PRKDC: variants seen among roughly 807,000 people sequenced by gnomAD.
PRKDC encodes the protein DNA-dependent protein kinase catalytic subunit.
PRKDC carries 82 observed loss-of-function variants against 486.9 expected under a neutral mutation model. That is an observed-to-expected ratio of 0.17 (90% CI 0.14 to 0.20). The LOEUF is 0.20. Among genes scored for constraint, PRKDC ranks in the 10% least tolerant of loss-of-function variants. The pLI is 1.00. For missense variants in PRKDC, 4,504 were observed against 5,038.2 expected, an observed-to-expected ratio of 0.89 and a Z score of 3.21; for synonymous variants, 1,895 against 1,837.0, an observed-to-expected ratio of 1.03 and a Z score of -0.81.
At chr8:47,917,956 C>T (rs540107205) in intron 22 of PRKDC, among the ~76,000 whole-genome samples, 17 of 152,166 alleles carry the variant, frequency 1.1e-4, no homozygotes, top group South Asian at 4.1e-4. Flanking sequence ...GTGATTCTCC[C>T]ACCTCAGCCT....
At chr8:47,880,482 A>G (rs1390556404) in intron 38 of PRKDC, among the ~76,000 whole-genome samples, 1 of 152,184 alleles carries the variant, frequency 6.6e-6, no homozygotes, top group Non-Finnish European at 1.5e-5. Context: ...GAAAATTCCA[A>G]AGAATTATCC....
chr8:47,925,756 G>T (rs2090146616), intron 21 of PRKDC, among the ~76,000 whole-genome samples: 1 of 152,198 alleles, frequency 6.6e-6, no homozygotes. Context: ...AATGTCCCAT[G>T]TAAATATAAA....
chr8:47,773,743 C>G lies in PRKDC; in HGVS notation c.*430G>C, dbSNP rs1366881564. 2.1e-5 allele frequency: 5 copies of G among 233,382 alleles called. No individual in the cohort carries two copies. The Admixed American group carries it at 2.8e-4, about 13-fold the overall frequency. The allele number at this position is 233,382 out of a possible 1,614,324, so 14.5% of individuals were successfully genotyped here. On this transcript the variant is annotated 3_prime_UTR_variant, in exon 86 of 86. Transcript: ENST00000314191. ...GTTACATCAACTATACTTAGCTTTA[C>G]TCTCCCAAAATCTTGGTGATGAAGC...
Position 47,834,306 on chromosome 8 carries a change from G to A in PRKDC, c.8042C>T (p.Ala2681Val), listed in dbSNP as rs1478494292. The change falls in exon 59 of 86, where the codon GCC (alanine) becomes GTC (valine). Residue 2681 changes from alanine (A) to valine (V), a missense_variant. Ala to Val is a moderately conservative substitution (Grantham distance 64). Transcript: ENST00000314191. ...CTGTAACCTTTCACTCCTCTTGTGGGCAAACAGCAAGGAGTCAGATGAGGG... is the reference window on the plus strand; with the variant it reads ...CTGTAACCTTTCACTCCTCTTGTGGACAAACAGCAAGGAGTCAGATGAGGG... ...TSPSSDSLLF[A>V]HKRSERLQRA... is the part of the protein sequence containing the mutation. The A allele has an allele frequency of 1.2e-6, 2 of 1,614,016 alleles. No homozygotes were observed. Among genetic ancestry groups the A allele is most frequent in the Admixed American group, 3.3e-5 (2 of 60,028 alleles).
chr8:47,899,499 C>G (rs2089641098), intron 28 of PRKDC, among the ~76,000 whole-genome samples: 1 of 152,088 alleles, frequency 6.6e-6, no homozygotes. Context: ...AAAAATTAGC[C>G]AGGCGTGGTG....
chr8:47,915,436 T>C lies in PRKDC; in HGVS notation c.2527-18A>G. On this transcript the variant is annotated intron_variant, in intron 22 of 85. Coordinates refer to ENST00000314191, the MANE Select transcript of PRKDC (RefSeq NM_006904.7). ...GCTTCGTTCTGTAAATTTGAACAAT[T>C]GTATATATGTGATTACAAATGGGTT... 1 of 1,344,386 alleles carries C rather than the reference T, an allele frequency of 7.4e-7. No individual in the cohort carries two copies. The highest frequency in any genetic ancestry group is 1.0e-6 in the Non-Finnish European group (1 of 977,844). 83.3% of individuals were successfully genotyped at this position (1,344,386 alleles called of 1,614,324 possible).
chr8:47,823,802 A>T (rs1215737784), intron 64 of PRKDC, 56 bp downstream of exon 64: 2 of 1,597,500 alleles, frequency 1.3e-6, no homozygotes, highest in Non-Finnish European at 1.7e-6. Context: ...GTCATAGTTC[A>T]GCAGAAAACA....
intron 49 of PRKDC, 94 bp from the exon 50 acceptor site, chr8:47,855,467 T>A (rs1311399126): frequency 7.7e-7 from 1 of 1,291,936 alleles, no homozygotes; most frequent in East Asian, 2.6e-5. Context: ...AATCTGGCAT[T>A]TTACAGGAGT....
At chr8:47,823,249 C>A (rs1188762093) in intron 64 of PRKDC, among the ~76,000 whole-genome samples, 1 of 151,636 alleles carries the variant, frequency 6.6e-6, no homozygotes, top group African/African-American at 2.4e-5. Context: ...GGTGGGAGGA[C>A]CGCCGGAGCC....
chr8:47,831,942 A>C lies in PRKDC; in HGVS notation c.8153-16T>G, dbSNP rs748142516. Reference sequence around the variant, plus strand: ...CCGGCCGCACCTGGAGAGGGAAAGCAGGCCCAGTTACTCCCCGCCGCCCAG... The same window carrying C: ...CCGGCCGCACCTGGAGAGGGAAAGCCGGCCCAGTTACTCCCCGCCGCCCAG... On this transcript the variant is annotated splice_polypyrimidine_tract_variant and intron_variant, in intron 59 of 85. Coordinates refer to ENST00000314191, the MANE Select transcript of PRKDC (RefSeq NM_006904.7). 7.5e-6 allele frequency: 12 copies of C among 1,603,396 alleles called. No homozygotes were observed. The highest frequency in any genetic ancestry group is 1.1e-5 in the South Asian group (1 of 90,712).
chr8:47,879,035 G>A (rs8178117), intron 39 of PRKDC, among the ~76,000 whole-genome samples: 4,394 of 151,972 alleles, frequency 0.029, 222 homozygotes, highest in African/African-American at 0.099. Flanking sequence ...TCAAATAATC[G>A]CTACTCTATT....
At chr8:47,922,691 G>C (rs1486846171) in intron 21 of PRKDC, among the ~76,000 whole-genome samples, 1 of 152,222 alleles carries the variant, frequency 6.6e-6, no homozygotes, top group Admixed American at 6.5e-5. Context: ...TCTCTTTCCA[G>C]AATTAGGACT....
In PRKDC at chr8:47,789,159, G is replaced by A. The variant is rs55866966; in HGVS notation, c.10750C>T (p.Leu3584Phe). ...AGCCGTTCTATCATTACCTTAAAGA[G>A]CAGTTCAGGATTAGAGAGCTGATCT... ...ALDQLSNPEL[L>F]FKDWSNDVRA... is the part of the protein sequence containing the mutation. Residue 3584 changes from leucine to phenylalanine, a missense_variant, in exon 75 of 86, where the codon CTC becomes TTC. Physicochemically the swap from Leu to Phe is conservative, Grantham distance 22 (BLOSUM62 0). This residue lies in a region of PRKDC where 706 missense variants were observed against 945.0 expected (regional missense o/e 0.75). Transcript: ENST00000314191. 481 of 1,613,016 alleles carry A rather than the reference G, an allele frequency of 3.0e-4. 2 individuals carry two copies. The highest frequency in any genetic ancestry group is 3.3e-4 in the Middle Eastern group (2 of 6,054).
At chr8:47,864,518 C>A in intron 41 of PRKDC, 38 bp downstream of exon 41, 1 of 1,547,426 alleles carries the variant, frequency 6.5e-7, no homozygotes, top group South Asian at 1.2e-5. Context: ...GTCAAGTAGG[C>A]TGCTCACTTC....
rs59303802 is a variant in PRKDC, at chr8:47,777,793, G to A, written c.11935C>T (p.Leu3979Phe). ...NLMLPMKETGLMYSIMVHALR... is the reference protein window; with the variant it reads ...NLMLPMKETGFMYSIMVHALR... ...GCGTGTACCATGATGCTGTACATAA[G>A]GCCCGTTTCTTTCATTGGTAACATC... Residue 3979 changes from leucine to phenylalanine, a missense_variant, in exon 84 of 86, where the codon CTT becomes TTT. This residue lies in a region of PRKDC where 706 missense variants were observed against 945.0 expected (regional missense o/e 0.75). Transcript: ENST00000314191. 1.9e-6 allele frequency: 3 copies of A among 1,613,980 alleles called. No homozygotes were observed. The highest frequency in any genetic ancestry group is 2.5e-6 in the Non-Finnish European group (3 of 1,179,878).
intron 40 of PRKDC, among the ~76,000 whole-genome samples, chr8:47,869,535 C>T (rs948953501): frequency 5.3e-5 from 8 of 151,892 alleles, no homozygotes; most frequent in African/African-American, 1.2e-4. Flanking sequence ...TAGTACTTGC[C>T]GTGGGCCTTG....
At chr8:47,864,194 C>G (rs1283358426) in intron 41 of PRKDC, among the ~76,000 whole-genome samples, 2 of 138,578 alleles carry the variant, frequency 1.4e-5, no homozygotes, top group Non-Finnish European at 3.4e-5. Context: ...GAAATGTGAC[C>G]AGGGAGGAAG....
chr8:47,839,895 GC>G, intron 55 of PRKDC, 120 bp downstream of exon 55: 1 of 699,254 alleles, frequency 1.4e-6, no homozygotes, highest in Non-Finnish European at 2.2e-6. Context: ...GATCAACTGA[GC>G]CCAGGAGGAG....
rs753345761 is a variant in PRKDC, at chr8:47,893,312, T to C, written c.3674A>G (p.Glu1225Gly). 1.2e-6 allele frequency: 2 copies of C among 1,603,170 alleles called. No individual in the cohort carries two copies. The highest frequency in any genetic ancestry group is 1.1e-5 in the South Asian group (1 of 90,040). The change falls in exon 31 of 86, where the codon GAG becomes GGG. Residue 1225 changes from glutamate (E) to glycine (G), a missense_variant. Coordinates refer to ENST00000314191, the MANE Select transcript of PRKDC (RefSeq NM_006904.7). ...CGAGGGCTGGCCACAGCCACCCCCC[T>C]CAAAGGTGTTGATGAGAAAAGAGAC... is the stretch of plus-strand genomic sequence containing the variant. ...EGVSFLINTFEGGGCGQPSGI... is the reference protein window; with the variant it reads ...EGVSFLINTFGGGGCGQPSGI...
Sources: allele counts gnomAD v4.1 joint callset (sites outside exome capture counted in the v4.1 genomes callset), GRCh38; gene constraint gnomAD v4.1.1; regional missense constraint gnomAD v4.1.1; transcripts MANE v1.5; gene names NCBI Gene and HGNC (gene_info 2026-07-23, HGNC 2026-07-21).